Variants in HMCES observed in about 807,000 individuals in gnomAD.
HMCES encodes abasic site processing protein HMCES.
HMCES carries 27 observed loss-of-function variants against 35.1 expected under a neutral mutation model. The ratio of observed to expected loss-of-function variants is 0.77; its 90% confidence interval spans 0.57 to 1.06. HMCES has a LOEUF of 1.06. Ranked by LOEUF, HMCES falls within the 50% of genes least tolerant of loss-of-function variation. The pLI is 0.00. For missense variants in HMCES, 391 were observed against 430.4 expected (o/e 0.91, Z 0.81); for synonymous variants, 130 against 154.7 (o/e 0.84, Z 1.18).
chr3:129,300,508 G>A (rs1419048740), intron 5 of HMCES, among the ~76,000 whole-genome samples: 6 of 152,166 alleles, frequency 3.9e-5, no homozygotes, highest in Non-Finnish European at 8.8e-5. Flanking sequence ...AGTACTCCCT[G>A]AAGTGATTTT....
At chr3:129,283,301 T>C (rs1345063698) in intron 2 of HMCES, among the ~76,000 whole-genome samples, 1 of 151,672 alleles carries the variant, frequency 6.6e-6, no homozygotes, top group Admixed American at 6.6e-5. Context: ...TTCTCATTTA[T>C]GCACTGAGCT....
chr3:129,298,552 A>C lies in HMCES; in HGVS notation c.635+17A>C. The C allele has an allele frequency of 2.5e-6, 4 of 1,608,084 alleles. No individual in the cohort carries two copies. The highest frequency in any genetic ancestry group is 3.4e-6 in the Non-Finnish European group (4 of 1,175,006). On this transcript the variant is annotated intron_variant, in intron 5 of 6. Coordinates refer to ENST00000383463, the MANE Select transcript of HMCES (RefSeq NM_020187.3). Reference sequence around the variant, plus strand: ...CCACCACAGGCAAGTCATACTTCTTAGCCCTGGATCCAAAAGGATCCAAAA... The same window carrying C: ...CCACCACAGGCAAGTCATACTTCTTCGCCCTGGATCCAAAAGGATCCAAAA...
intron 2 of HMCES, 30 bp from the exon 3 acceptor site, chr3:129,288,824 T>G: frequency 7.0e-7 from 1 of 1,433,824 alleles, no homozygotes; most frequent in South Asian, 1.6e-5. Context: ...TTCATTATGA[T>G]CTCCTCACTA....
intron 4 of HMCES, among the ~76,000 whole-genome samples, chr3:129,291,830 C>T (rs1418738336): frequency 6.6e-6 from 1 of 152,186 alleles, no homozygotes; most frequent in African/African-American, 2.4e-5. Context: ...GTTGCTCATG[C>T]CTGTAATCCC....
intron 4 of HMCES, among the ~76,000 whole-genome samples, chr3:129,294,796 G>A (rs947881668): frequency 9.9e-5 from 15 of 152,004 alleles, no homozygotes; most frequent in Non-Finnish European, 2.2e-4. Context: ...TTTTCTTGTA[G>A]TGTGGGTCTG....
chr3:129,294,936 T>A (rs1362979871), intron 4 of HMCES, among the ~76,000 whole-genome samples: 2 of 152,036 alleles, frequency 1.3e-5, no homozygotes, highest in African/African-American at 4.8e-5. Context: ...GGTGGGCGGA[T>A]CACCAGGTCA....
At chr3:129,292,729 C>A (rs2071038287) in intron 4 of HMCES, among the ~76,000 whole-genome samples, 1 of 152,008 alleles carries the variant, frequency 6.6e-6, no homozygotes. Context: ...TGTGATCCAC[C>A]CGCCTCGGCC....
chr3:129,299,004 C>T (rs569910825), intron 5 of HMCES, among the ~76,000 whole-genome samples: 2 of 152,196 alleles, frequency 1.3e-5, no homozygotes, highest in East Asian at 1.9e-4. Flanking sequence ...CTAAATTAGC[C>T]GGGCATGGTG....
Position 129,296,389 on chromosome 3 carries a change from GTCTT to G in HMCES, c.454-1960_454-1957del, listed in dbSNP as rs367900221. ...ATTGACCTATCTTTAAGTTCACTGA[GTCTT>G]TCTTATAGTTTCTGTCTCTCTGCTA... On this transcript the variant is annotated intron_variant, in intron 4 of 6. Transcript: ENST00000383463. Among the ~76,000 whole-genome samples the G allele has an allele frequency of 3.6e-3, 541 of 152,218 alleles. 1 individual carries two copies. Among genetic ancestry groups the G allele is most frequent in the African/African-American group, 0.012 (498 of 41,540 alleles).
chr3:129,300,203 G>A (rs1422048170), intron 5 of HMCES, among the ~76,000 whole-genome samples: 10 of 148,302 alleles, frequency 6.7e-5, no homozygotes, highest in African/African-American at 2.5e-4. Flanking sequence ...GAAAAGTTCA[G>A]AAAGGCAAAA....
chr3:129,302,414 G>T (rs1685434874), intron 6 of HMCES, among the ~76,000 whole-genome samples: 2 of 152,128 alleles, frequency 1.3e-5, no homozygotes, highest in Admixed American at 1.3e-4. Context: ...TTGGACTTTT[G>T]TATAATTAAG....
intron 2 of HMCES, among the ~76,000 whole-genome samples, chr3:129,286,099 C>T (rs765993207): frequency 6.6e-6 from 1 of 152,200 alleles, no homozygotes; most frequent in Non-Finnish European, 1.5e-5. Context: ...CAGGGATTGG[C>T]AAACTACGGT....
At position 129,288,895 on chromosome 3, in the gene HMCES, G is replaced by A. The variant is rs1356107222; in HGVS notation, c.225G>A (p.Trp75Ter). ...AGCGTATCATTGCTCCCATGCGCTG[G>A]GGCTTGGTCCCTTCTTGGTTCAAAG... Reference protein sequence around the residue: ...SSERIIAPMRWGLVPSWFKES... With the variant: ...SSERIIAPMR Residue 75 changes from tryptophan to a stop codon, truncating the protein, a stop_gained, in exon 3 of 7, where the codon TGG becomes TGA. Coordinates refer to ENST00000383463, the MANE Select transcript of HMCES (RefSeq NM_020187.3). LOFTEE classifies it high-confidence loss of function. 6.3e-7 allele frequency: 1 copy of A among 1,593,028 alleles called. No individual in the cohort carries two copies. Among genetic ancestry groups the A allele is most frequent in the Admixed American group, 1.7e-5 (1 of 59,768 alleles).
At chr3:129,288,388 CATG>C (rs1431191844) in intron 2 of HMCES, among the ~76,000 whole-genome samples, 1 of 152,214 alleles carries the variant, frequency 6.6e-6, no homozygotes, top group Admixed American at 6.5e-5. Flanking sequence ...TTACCTACAT[CATG>C]ATAAGTCATT....
intron 5 of HMCES, 36 bp from the exon 6 acceptor site, chr3:129,301,914 A>T: frequency 6.5e-7 from 1 of 1,533,730 alleles, no homozygotes; most frequent in African/African-American, 1.4e-5. Flanking sequence ...TTCTCATGCT[A>T]CCTCTCCCAA....
chr3:129,293,561 CTTTTTTT>C (rs60989412), intron 4 of HMCES, among the ~76,000 whole-genome samples: 33 of 86,712 alleles, frequency 3.8e-4, no homozygotes, highest in Non-Finnish European at 6.0e-4. Flanking sequence ...TACATTAATT[CTTTTTTT>C]TTTTTTTTTT....
At chr3:129,281,926 C>CA (rs553350109) in intron 2 of HMCES, among the ~76,000 whole-genome samples, 1,143 of 70,892 alleles carry the variant, frequency 0.016, 12 homozygotes, top group Non-Finnish European at 0.024. Flanking sequence ...GACTCAGTCT[C>CA]AAAAAAAAAA....
At chr3:129,283,211 CCA>C (rs1402070164) in intron 2 of HMCES, among the ~76,000 whole-genome samples, 2 of 152,076 alleles carry the variant, frequency 1.3e-5, no homozygotes. Context: ...GTACTGAGAA[CCA>C]CAGATTTTTT....
At chr3:129,302,210 A>G (rs2107700234) in intron 6 of HMCES, 68 bp downstream of exon 6, 2 of 1,355,152 alleles carry the variant, frequency 1.5e-6, no homozygotes, top group Admixed American at 2.2e-5. Flanking sequence ...TCTTTCTTTC[A>G]GGATGTGGCC....
Sources: gnomAD v4.1 joint callset for allele counts (sites outside exome capture counted in the v4.1 genomes callset) on GRCh38, gnomAD v4.1.1 for gene constraint, MANE v1.5 for transcripts, NCBI Gene and HGNC (gene_info 2026-07-23, HGNC 2026-07-21) for gene names.